The following AGPAT5 variants were observed in gnomAD, a reference collection of about 807,000 sequenced individuals.
AGPAT5 encodes the protein 1-acylglycerol-3-phosphate O-acyltransferase 5.
In AGPAT5, 46 loss-of-function variants were observed where a neutral mutation model predicts 45.6. The ratio of observed to expected loss-of-function variants is 1.01; its 90% CI spans 0.80 to 1.29. AGPAT5 has a LOEUF of 1.29. AGPAT5 is among the 50% of genes most tolerant of loss of function. AGPAT5 has a pLI of 0.00. For missense variants in AGPAT5, 673 were observed against 450.7 expected, an observed-to-expected ratio of 1.49 and a Z score of -4.47; for synonymous variants, 272 against 167.0, an observed-to-expected ratio of 1.63 and a Z score of -4.85.
At chr8:6,750,978 C>G (rs750585038) in intron 6 of AGPAT5, among the ~76,000 whole-genome samples, 1 of 152,130 alleles carries the variant, frequency 6.6e-6, no homozygotes, top group African/African-American at 2.4e-5. Flanking sequence ...AATAATAACA[C>G]GTTTTTCCTT....
chr8:6,741,313 G>T (rs1801238079), intron 4 of AGPAT5, among the ~76,000 whole-genome samples: 1 of 152,046 alleles, frequency 6.6e-6, no homozygotes, highest in Non-Finnish European at 1.5e-5. Flanking sequence ...ACGTATTACA[G>T]GATCTGAAAG....
rs111384376 is a variant in AGPAT5 at position 6,736,016 on chromosome 8, G to A, written c.495+3366G>A. Among the ~76,000 whole-genome samples, 446 of 152,070 alleles carry A rather than the reference G, an allele frequency of 2.9e-3. 2 individuals carry two copies. The highest frequency in any genetic ancestry group is 0.01 in the African/African-American group (428 of 41,488). On this transcript the variant is annotated intron_variant, in intron 4 of 7. Transcript: ENST00000285518. ...TTACAGGCGTGCACCGCCATGCCCGGCTAATTTTTGTATTTTTAGTAGAGA... is the reference window on the plus strand; with the variant it reads ...TTACAGGCGTGCACCGCCATGCCCGACTAATTTTTGTATTTTTAGTAGAGA...
chr8:6,755,236 A>C, intron 7 of AGPAT5, 62 bp downstream of exon 7: 1 of 1,505,926 alleles, frequency 6.6e-7, no homozygotes, highest in Non-Finnish European at 9.0e-7. Flanking sequence ...AGTATAGTCA[A>C]CAATTTGAAA....
intron 7 of AGPAT5, among the ~76,000 whole-genome samples, chr8:6,756,774 C>T (rs1033537962): frequency 2.0e-5 from 3 of 152,088 alleles, no homozygotes; most frequent in East Asian, 1.9e-4. Context: ...GTCTAAGAAC[C>T]GCTGGTCCTA....
chr8:6,712,984 G>A (rs1390423566), intron 1 of AGPAT5, among the ~76,000 whole-genome samples: 4 of 152,056 alleles, frequency 2.6e-5, no homozygotes, highest in Admixed American at 2.0e-4. Flanking sequence ...TAATCAACAC[G>A]TAATAGATTG....
intron 1 of AGPAT5, among the ~76,000 whole-genome samples, chr8:6,720,745 GTT>G (rs1346758889): frequency 1.3e-5 from 2 of 152,142 alleles, no homozygotes; most frequent in African/African-American, 2.4e-5. Context: ...TCTGGATTTT[GTT>G]TTTCATATGC....
intron 5 of AGPAT5, among the ~76,000 whole-genome samples, chr8:6,742,868 G>C (rs903913035): frequency 1.3e-5 from 2 of 152,134 alleles, no homozygotes; most frequent in Non-Finnish European, 2.9e-5. Flanking sequence ...CCATCTGCCA[G>C]CTCTCTTTTG....
intron 5 of AGPAT5, among the ~76,000 whole-genome samples, chr8:6,742,064 T>G (rs1801260669): frequency 2.6e-5 from 4 of 152,206 alleles, no homozygotes. Context: ...GTGTATGGGT[T>G]ATATGTAATG....
In AGPAT5 at chr8:6,758,728, G is replaced by C. The variant is rs1214592574; in HGVS notation, c.*1340G>C. On this transcript the variant is annotated 3_prime_UTR_variant, in exon 8 of 8. Coordinates refer to ENST00000285518, the MANE Select transcript of AGPAT5 (RefSeq NM_018361.5). ...TCCAGGAACCAGATCACGATTTTTA[G>C]CCATGGAACAATATATCCCATGGGA... The C allele has an allele frequency of 6.6e-6, 1 of 152,604 alleles. No individual in the cohort carries two copies. The highest frequency in any genetic ancestry group is 1.5e-5 in the Non-Finnish European group (1 of 68,026). The allele number at this position is 152,604 out of a possible 1,614,324, so 9.5% of individuals were successfully genotyped here.
intron 1 of AGPAT5, among the ~76,000 whole-genome samples, chr8:6,710,541 A>T (rs116951331): frequency 1.3e-5 from 2 of 152,262 alleles, no homozygotes; most frequent in East Asian, 3.8e-4. Context: ...AATGCAAGTT[A>T]TGAACATTTA....
intron 1 of AGPAT5, among the ~76,000 whole-genome samples, chr8:6,710,901 T>G (rs1800134181): frequency 6.6e-6 from 1 of 152,192 alleles, no homozygotes; most frequent in Admixed American, 6.5e-5. Context: ...TTTCTTGTTT[T>G]GTTAGGACAC....
At chr8:6,743,899 C>G (rs1475907121) in intron 5 of AGPAT5, among the ~76,000 whole-genome samples, 1 of 151,838 alleles carries the variant, frequency 6.6e-6, no homozygotes, top group African/African-American at 2.4e-5. Context: ...AACCAGATAC[C>G]TAGAATTTCC....
chr8:6,715,777 A>T (rs1800308603), intron 1 of AGPAT5, among the ~76,000 whole-genome samples: 1 of 152,238 alleles, frequency 6.6e-6, no homozygotes, highest in Non-Finnish European at 1.5e-5. Context: ...TGCCATACAG[A>T]GGTAAAGTAA....
At chr8:6,735,478 C>G (rs1801020357) in intron 4 of AGPAT5, among the ~76,000 whole-genome samples, 1 of 152,218 alleles carries the variant, frequency 6.6e-6, no homozygotes, top group Non-Finnish European at 1.5e-5. Context: ...CTGGCTCATA[C>G]TTGGCTTTCT....
In AGPAT5 at chr8:6,734,257, G is replaced by GT. The variant is rs112153658; in HGVS notation, c.495+1617dup. 2.0e-4 allele frequency among the ~76,000 whole-genome samples: 29 copies of GT among 147,648 alleles called. No individual in the cohort carries two copies. In the Middle Eastern group the frequency reaches 0.014, roughly 70 times the overall value. On this transcript the variant is annotated intron_variant, in intron 4 of 7. Coordinates refer to ENST00000285518, the MANE Select transcript of AGPAT5 (RefSeq NM_018361.5). ...TAGATGCATTATTCGTTTTTTGTTG[G>GT]TTTTTTTTTTAATTTTTTTTTTTAC...
At chr8:6,708,938 G>C (rs749412458) in intron 1 of AGPAT5, 51 bp downstream of exon 1, 5 of 1,537,744 alleles carry the variant, frequency 3.3e-6, no homozygotes, top group Non-Finnish European at 4.4e-6. Flanking sequence ...GCTCCCGGGG[G>C]CGCGGACCTC....
rs1802016336 is a variant in AGPAT5 at position 6,760,842 on chromosome 8, A to G, written c.*3454A>G. On this transcript the variant is annotated 3_prime_UTR_variant, in exon 8 of 8. Transcript: ENST00000285518. ...AGAATCAAAATTAGTACTTTGGTCAAAATATTTACAACATTCACATACTTG... is the reference window on the plus strand; with the variant it reads ...AGAATCAAAATTAGTACTTTGGTCAGAATATTTACAACATTCACATACTTG... Among the ~76,000 whole-genome samples the G allele has an allele frequency of 6.6e-6, 1 of 152,230 alleles. No individual in the cohort carries two copies. The highest frequency in any genetic ancestry group is 2.4e-5 in the African/African-American group (1 of 41,464).
intron 1 of AGPAT5, among the ~76,000 whole-genome samples, chr8:6,722,957 G>A (rs985290190): frequency 1.3e-5 from 2 of 152,092 alleles, no homozygotes; most frequent in Admixed American, 6.6e-5. Flanking sequence ...AAGAAAAGCC[G>A]TATGTTTTCT....
intron 1 of AGPAT5, among the ~76,000 whole-genome samples, chr8:6,720,822 C>T (rs1265030232): frequency 6.6e-6 from 1 of 152,134 alleles, no homozygotes; most frequent in Non-Finnish European, 1.5e-5. Flanking sequence ...TTGGAAGAAC[C>T]AGCGTTCTTA....
Sources: gnomAD v4.1 joint callset for allele counts (sites outside exome capture counted in the v4.1 genomes callset) on GRCh38, gnomAD v4.1.1 for gene constraint, MANE v1.5 for transcripts, NCBI Gene and HGNC (gene_info 2026-07-23, HGNC 2026-07-21) for gene names.